The following EPC1 variants were observed in gnomAD, a reference collection of about 807,000 sequenced individuals.
EPC1 encodes the protein enhancer of polycomb homolog 1.
Under a neutral mutation model 98.4 loss-of-function variants are expected in EPC1, and 12 were observed. That is an observed-to-expected ratio of 0.12 (90% confidence interval 0.08 to 0.20). The LOEUF is 0.20. Among genes scored for constraint, EPC1 ranks in the 10% least tolerant of loss-of-function variants. The pLI, the probability that EPC1 is intolerant of heterozygous loss-of-function variation, is 1.00. For missense variants in EPC1, 729 were observed against 990.5 expected, an observed-to-expected ratio of 0.74 and a Z score of 3.54; for synonymous variants, 357 against 363.9, an observed-to-expected ratio of 0.98 and a Z score of 0.21.
intron 1 of EPC1, among the ~76,000 whole-genome samples, chr10:32,313,952 A>G (rs947213757): frequency 6.6e-6 from 1 of 152,132 alleles, no homozygotes; most frequent in African/African-American, 2.4e-5. Flanking sequence ...ATGTTTGAAG[A>G]CCACTTACTA....
chr10:32,275,399 C>G (rs1033864354), intron 10 of EPC1, among the ~76,000 whole-genome samples: 3 of 152,144 alleles, frequency 2.0e-5, no homozygotes, highest in Non-Finnish European at 4.4e-5. Flanking sequence ...TTTGGGAGGC[C>G]GAGGTGGGTG....
chr10:32,364,391 G>A (rs1839538752), intron 1 of EPC1, among the ~76,000 whole-genome samples: 1 of 152,002 alleles, frequency 6.6e-6, no homozygotes, highest in South Asian at 2.1e-4. Flanking sequence ...TAAGCCATGT[G>A]ACATTTTTAT....
intron 1 of EPC1, among the ~76,000 whole-genome samples, chr10:32,330,471 C>T (rs1837576615): frequency 6.6e-6 from 1 of 152,144 alleles, no homozygotes; most frequent in Non-Finnish European, 1.5e-5. Context: ...CACAAGTATG[C>T]CTTTCCAACA....
Position 32,269,015 on chromosome 10 carries a change from G to A in EPC1, c.*48C>T, listed in dbSNP as rs1835708286. On this transcript the variant is annotated 3_prime_UTR_variant, in exon 14 of 14. Transcript: ENST00000319778. ...CCCTTGCATTCAAAATGCTACTGAT[G>A]CATAGCACCTAATCAAGTCCCCAGG... The A allele has an allele frequency of 1.3e-6, 2 of 1,488,294 alleles. No individual in the cohort carries two copies. 92.2% of individuals were successfully genotyped at this position (1,488,294 alleles called of 1,614,324 possible).
Position 32,271,860 on chromosome 10 carries a change from C to T in EPC1, c.2063G>A (p.Ser688Asn). ...STTPTALVHT[S>N]PSTAGSALLQ... is the part of the protein sequence containing the mutation. ...CAAAGCTGAACCTGCCGTTGATGGACTTGTATGTACAAGTGCTGTTGGTGT... is the reference window on the plus strand; with the variant it reads ...CAAAGCTGAACCTGCCGTTGATGGATTTGTATGTACAAGTGCTGTTGGTGT... The change falls in exon 13 of 14, where the codon AGT (serine) becomes AAT (asparagine). Residue 688 changes from serine (S) to asparagine (N), a missense_variant. By Grantham distance (46) the Ser-to-Asn change is conservative. Transcript: ENST00000319778. The T allele has an allele frequency of 6.2e-7, 1 of 1,614,078 alleles. No individual in the cohort carries two copies. Among genetic ancestry groups the T allele is most frequent in the Non-Finnish European group, 8.5e-7 (1 of 1,180,032 alleles).
At chr10:32,297,324 C>T (rs545662734) in intron 2 of EPC1, among the ~76,000 whole-genome samples, 1 of 150,720 alleles carries the variant, frequency 6.6e-6, no homozygotes, top group African/African-American at 2.4e-5. Flanking sequence ...TCTTGTTGCC[C>T]AGGCTGGAGT....
At chr10:32,281,724 A>G (rs938042737) in intron 10 of EPC1, 5 of 151,246 alleles carry the variant, frequency 3.3e-5, no homozygotes, top group African/African-American at 1.2e-4. Context: ...GCTGGAATGC[A>G]ATGGCACAAT....
At chr10:32,345,418 A>C (rs1347398276) in intron 1 of EPC1, 2 of 985,350 alleles carry the variant, frequency 2.0e-6, no homozygotes, top group Non-Finnish European at 2.4e-6. Context: ...ATTACAGAGC[A>C]TAATTTCTAC....
chr10:32,330,659 C>T (rs1473090418), intron 1 of EPC1, among the ~76,000 whole-genome samples: 6 of 152,116 alleles, frequency 3.9e-5, no homozygotes, highest in African/African-American at 1.4e-4. Context: ...AGATTTTATT[C>T]AAATTTAAGA....
At chr10:32,342,678 TCTC>T (rs914486144) in intron 1 of EPC1, among the ~76,000 whole-genome samples, 2 of 151,878 alleles carry the variant, frequency 1.3e-5, no homozygotes, top group Non-Finnish European at 2.9e-5. Flanking sequence ...TTACACCAAA[TCTC>T]CTCCCCAAAC....
chr10:32,291,125 C>CCATT, intron 6 of EPC1, 38 bp downstream of exon 6: 1 of 1,546,836 alleles, frequency 6.5e-7, no homozygotes, highest in Non-Finnish European at 8.9e-7. Context: ...AAATACCATC[C>CCATT]CATTATTAGA....
At chr10:32,291,396 A>G (rs1351414608) in intron 5 of EPC1, 74 bp from the exon 6 acceptor site, 32 of 1,125,806 alleles carry the variant, frequency 2.8e-5, no homozygotes, top group Non-Finnish European at 3.9e-5. Context: ...ATATACATTT[A>G]TACTGTGAAA....
At chr10:32,324,626 T>C (rs1305352634) in intron 1 of EPC1, among the ~76,000 whole-genome samples, 3 of 151,966 alleles carry the variant, frequency 2.0e-5, no homozygotes, top group Admixed American at 1.3e-4. Flanking sequence ...TAGTTCCAAA[T>C]TTACCTTGTG....
intron 1 of EPC1, among the ~76,000 whole-genome samples, chr10:32,331,235 C>G (rs1837621201): frequency 1.3e-5 from 2 of 151,784 alleles, no homozygotes; most frequent in Admixed American, 6.6e-5. Flanking sequence ...GCCTGTAATT[C>G]CAGCTACTTG....
At chr10:32,290,495 A>G (rs1172043818) in intron 6 of EPC1, among the ~76,000 whole-genome samples, 1 of 114,022 alleles carries the variant, frequency 8.8e-6, no homozygotes, top group Admixed American at 8.9e-5. Flanking sequence ...AAAAAAAAAA[A>G]AAAAAAAAAA....
chr10:32,286,655 C>A lies in EPC1; in HGVS notation c.1391+39G>T, dbSNP rs144883579. The A allele has an allele frequency of 6.0e-3, 9,622 of 1,608,962 alleles. 47 individuals carry two copies. The highest frequency in any genetic ancestry group is 7.2e-3 in the Non-Finnish European group (8,432 of 1,177,522). ...AAGTTAGATTCAATCACCCTAATGC[C>A]TAAAATATCCTTCTGCTAGGAATAC... On this transcript the variant is annotated intron_variant, in intron 9 of 13. Coordinates refer to ENST00000319778, the MANE Select transcript of EPC1 (RefSeq NM_001272004.3).
At chr10:32,324,662 T>C (rs942466534) in intron 1 of EPC1, among the ~76,000 whole-genome samples, 2 of 151,906 alleles carry the variant, frequency 1.3e-5, no homozygotes, top group African/African-American at 2.4e-5. Context: ...TTCTTTCTCC[T>C]ACTAATCTTA....
intron 1 of EPC1, among the ~76,000 whole-genome samples, chr10:32,331,716 A>G (rs974169235): frequency 2.0e-5 from 3 of 152,246 alleles, no homozygotes; most frequent in Non-Finnish European, 4.4e-5. Context: ...AAGTCCCTTC[A>G]AGATAAGACA....
chr10:32,285,592 C>T (rs1237490778), intron 9 of EPC1: 1 of 152,646 alleles, frequency 6.6e-6, no homozygotes, highest in Non-Finnish European at 1.5e-5. Flanking sequence ...ATTCTCCTGC[C>T]TCAGCCTCCC....
Sources: gnomAD v4.1 joint callset for allele counts (sites outside exome capture counted in the v4.1 genomes callset) on GRCh38, gnomAD v4.1.1 for gene constraint, MANE v1.5 for transcripts, NCBI Gene and HGNC (gene_info 2026-07-23, HGNC 2026-07-21) for gene names.